ZBTB8B: variants seen among roughly 807,000 people sequenced by gnomAD.
ZBTB8B encodes zinc finger and BTB domain containing 8B, also known as zinc finger and BTB domain-containing protein 8B.
In ZBTB8B, 17 loss-of-function variants were observed where a neutral mutation model predicts 30.3. The ratio of observed to expected loss-of-function variants is 0.56; its 90% CI spans 0.38 to 0.84. The LOEUF (loss-of-function observed/expected upper bound fraction) is 0.84, where lower values mean the gene tolerates loss of function less well. Ranked by LOEUF, ZBTB8B falls within the 40% of genes least tolerant of loss-of-function variation. ZBTB8B has a pLI of 0.00. For missense variants in ZBTB8B, 515 were observed against 644.9 expected (o/e 0.80, Z 2.18); for synonymous variants, 248 against 255.6 (o/e 0.97, Z 0.28).
intron 2 of ZBTB8B, among the ~76,000 whole-genome samples, chr1:32,477,245 A>G (rs1643671612): frequency 6.6e-6 from 1 of 152,182 alleles, no homozygotes; most frequent in South Asian, 2.1e-4. Flanking sequence ...TGGGCATCAT[A>G]TTGTATGAAT....
chr1:32,470,253 C>A (rs542364554), intron 1 of ZBTB8B, among the ~76,000 whole-genome samples: 3 of 152,020 alleles, frequency 2.0e-5, no homozygotes, highest in Non-Finnish European at 4.4e-5. Context: ...GTAATCCCAG[C>A]GCTTTGGGAG....
At chr1:32,482,208 A>T (rs1643710677) in intron 3 of ZBTB8B, among the ~76,000 whole-genome samples, 1 of 151,952 alleles carries the variant, frequency 6.6e-6, no homozygotes, top group African/African-American at 2.4e-5. Context: ...CAGGTTGCCC[A>T]GGCTGGTCTT....
chr1:32,483,231 T>C (rs1416048369), intron 3 of ZBTB8B, among the ~76,000 whole-genome samples: 3 of 101,882 alleles, frequency 2.9e-5, no homozygotes, highest in Non-Finnish European at 5.5e-5. Flanking sequence ...AAACCCCTTA[T>C]CTACTAAAAA....
intron 1 of ZBTB8B, among the ~76,000 whole-genome samples, chr1:32,468,942 G>C (rs1418976995): frequency 6.6e-6 from 1 of 151,978 alleles, no homozygotes; most frequent in African/African-American, 2.4e-5. Context: ...GTAATCTCAG[G>C]ACTTTGAGGG....
rs1223181142 is a variant in ZBTB8B at position 32,496,240 on chromosome 1, T to C, written c.*10822T>C. On this transcript the variant is annotated 3_prime_UTR_variant, in exon 4 of 4. Coordinates refer to ENST00000609129, the MANE Select transcript of ZBTB8B (RefSeq NM_001145720.2). ...TGAAAGAAGACTGACTACTGTCTGA[T>C]GAATGGGTAATTGATGATGCAATGT... is the stretch of plus-strand genomic sequence containing the variant. 6.6e-6 allele frequency: 1 copy of C among 152,182 alleles called. No individual in the cohort carries two copies. The highest frequency in any genetic ancestry group is 1.5e-5 in the Non-Finnish European group (1 of 68,042). 9.4% of individuals were successfully genotyped at this position (152,182 alleles called of 1,614,324 possible). A position where few individuals can be genotyped will look rare whatever the true frequency, so the allele number is the denominator to read the frequency against.
chr1:32,467,989 A>G (rs990693145), intron 1 of ZBTB8B, among the ~76,000 whole-genome samples: 10 of 151,910 alleles, frequency 6.6e-5, no homozygotes, highest in African/African-American at 2.4e-4. Flanking sequence ...GGGGGTGGGT[A>G]CCTGTAGTCC....
rs903057784 is a variant in ZBTB8B, at chr1:32,480,999, G to A, written c.1100G>A (p.Arg367Gln). ...KRHIRSHTGE[R>Q]PYPCETCGKR... ...CACATCCGTTCACACACAGGCGAGC[G>A]GCCCTACCCCTGTGAGACCTGCGGC... The change falls in exon 3 of 4, where the codon CGG (arginine) becomes CAG (glutamine). Residue 367 changes from arginine to glutamine, a missense_variant. Around this residue, in one of 3 missense-constraint regions of ZBTB8B, gnomAD observed 429 missense variants for 504.3 expected, o/e 0.85. Transcript: ENST00000609129. 3.2e-6 allele frequency: 5 copies of A among 1,552,274 alleles called. No homozygotes were observed. Among genetic ancestry groups the A allele is most frequent in the Middle Eastern group, 1.7e-4 (1 of 6,016 alleles).
chr1:32,478,514 GA>G (rs559565980), intron 2 of ZBTB8B, among the ~76,000 whole-genome samples: 17 of 150,390 alleles, frequency 1.1e-4, no homozygotes, highest in African/African-American at 3.4e-4. Context: ...TCCATCTCAG[GA>G]AAAAAAAATA....
chr1:32,483,242 TCCA>T lies in ZBTB8B; in HGVS notation c.1171-1858_1171-1856del, dbSNP rs1288823869. Among the ~76,000 whole-genome samples, 18 of 33,102 alleles carry T rather than the reference TCCA, an allele frequency of 5.4e-4. 2 individuals are homozygous for T. The highest frequency in any genetic ancestry group is 1.7e-3 in the African/African-American group (13 of 7,490). The allele number at this position is 33,102 out of a possible 152,430, so 21.7% of individuals were successfully genotyped here. A position where few individuals can be genotyped will look rare whatever the true frequency, so the allele number is the denominator to read the frequency against. On this transcript the variant is annotated intron_variant, in intron 3 of 3. Transcript: ENST00000609129. ...GGCGAAACCCCTTATCTACTAAAAA[TCCA>T]AAAAAAAAAAAAAAAAAAAAAAAAA...
chr1:32,481,597 CCATT>C lies in ZBTB8B; in HGVS notation c.1170+531_1170+534del, dbSNP rs560732784. On this transcript the variant is annotated intron_variant, in intron 3 of 3. Coordinates refer to ENST00000609129, the MANE Select transcript of ZBTB8B (RefSeq NM_001145720.2). The stretch of plus-strand genomic sequence containing the variant: ...GCTGGTGATTCCAACCCGCTGAAAA[CCATT>C]CAGGCCACTTAGAAAGATGTTATAT... 2.0e-5 allele frequency among the ~76,000 whole-genome samples: 3 copies of C among 152,268 alleles called. No individual in the cohort carries two copies. In the South Asian group the frequency reaches 6.2e-4, roughly 32 times the overall value.
intron 1 of ZBTB8B, among the ~76,000 whole-genome samples, chr1:32,466,260 T>G (rs1056535485): frequency 6.6e-6 from 1 of 152,170 alleles, no homozygotes; most frequent in African/African-American, 2.4e-5. Flanking sequence ...TAGGACTCCC[T>G]CAAGGGTATA....
intron 2 of ZBTB8B, among the ~76,000 whole-genome samples, chr1:32,474,532 CA>C (rs909647588): frequency 3.0e-4 from 38 of 127,280 alleles, no homozygotes; most frequent in South Asian, 5.1e-4. Flanking sequence ...GACCTTGTCT[CA>C]AAAAAAAAAG....
chr1:32,470,858 CA>C lies in ZBTB8B; in HGVS notation c.235del (p.Ile79SerfsTer2). ...DIVTSDAFSI[I>X]LDFLYSGKLD... ...TTGTCACCTCTGATGCCTTCTCCAT[CA>C]TCTTAGATTTCCTCTATTCTGGGAA... On this transcript the variant is annotated frameshift_variant, in exon 2 of 4. Coordinates refer to ENST00000609129, the MANE Select transcript of ZBTB8B (RefSeq NM_001145720.2). LOFTEE classifies it high-confidence loss of function. The C allele has an allele frequency of 6.4e-7, 1 of 1,551,960 alleles. No individual in the cohort carries two copies. Among genetic ancestry groups the C allele is most frequent in the Non-Finnish European group, 8.7e-7 (1 of 1,147,042 alleles).
Position 32,472,360 on chromosome 1 carries a change from C to T in ZBTB8B, c.991+745C>T, listed in dbSNP as rs546813266. Reference sequence around the variant, plus strand: ...ATCTGTAAAACGGGAATAATCATCCCTGCCCTGCCTCTCTCACAGGTTTGT... The same window carrying T: ...ATCTGTAAAACGGGAATAATCATCCTTGCCCTGCCTCTCTCACAGGTTTGT... On this transcript the variant is annotated intron_variant, in intron 2 of 3. Coordinates refer to ENST00000609129, the MANE Select transcript of ZBTB8B (RefSeq NM_001145720.2). Among the ~76,000 whole-genome samples, 19 of 152,318 alleles carry T rather than the reference C, an allele frequency of 1.2e-4. 1 individual carries two copies. In the South Asian group the frequency reaches 2.5e-3, roughly 20 times the overall value.
At chr1:32,479,969 A>G (rs766610649) in intron 2 of ZBTB8B, among the ~76,000 whole-genome samples, 2 of 152,236 alleles carry the variant, frequency 1.3e-5, no homozygotes, top group African/African-American at 2.4e-5. Context: ...TCTTCTATGT[A>G]TACTTAGAAA....
intron 3 of ZBTB8B, among the ~76,000 whole-genome samples, chr1:32,482,669 CAAAAAAA>C (rs1050028688): frequency 6.7e-4 from 27 of 40,114 alleles, no homozygotes; most frequent in South Asian, 1.8e-3. Flanking sequence ...GACTCCGTGT[CAAAAAAA>C]AAAAAAAAAA....
At position 32,466,578 on chromosome 1, in the gene ZBTB8B, A is replaced by T. The variant is rs16834993; in HGVS notation, c.-42+1473A>T. 9.2e-3 allele frequency among the ~76,000 whole-genome samples: 1,405 copies of T among 152,314 alleles called. 23 individuals are homozygous for T. Among genetic ancestry groups the T allele is most frequent in the African/African-American group, 0.031 (1,307 of 41,546 alleles). ...GGGTGATATAAATAAATATTTACACAATATATACCAAGTACAGGATTGGGG... is the reference window on the plus strand; with the variant it reads ...GGGTGATATAAATAAATATTTACACTATATATACCAAGTACAGGATTGGGG... On this transcript the variant is annotated intron_variant, in intron 1 of 3. Transcript: ENST00000609129.
intron 3 of ZBTB8B, among the ~76,000 whole-genome samples, chr1:32,482,140 G>C (rs1349655949): frequency 8.6e-5 from 13 of 152,042 alleles, no homozygotes; most frequent in Admixed American, 8.5e-4. Context: ...ACCATGCCCA[G>C]CTAACGTGTT....
At position 32,480,949 on chromosome 1, in the gene ZBTB8B, C is replaced by G; in HGVS notation, c.1050C>G (p.Ala350=). 6.4e-7 allele frequency: 1 copy of G among 1,552,162 alleles called. No homozygotes were observed. The highest frequency in any genetic ancestry group is 1.4e-5 in the African/African-American group (1 of 73,188). ...AGTGTCCTTTCTGCCCTTACACTGC[C>G]AAACAGAAGGGCATCCTCAAGCGGC... ...LHKCPFCPYT[A]KQKGILKRHI... is the part of the protein sequence containing the mutation. The change falls in exon 3 of 4, where the codon GCC becomes GCG. Residue 350 remains alanine, a synonymous_variant. Coordinates refer to ENST00000609129, the MANE Select transcript of ZBTB8B (RefSeq NM_001145720.2).
Sources: allele counts gnomAD v4.1 joint callset (sites outside exome capture counted in the v4.1 genomes callset), GRCh38; gene constraint gnomAD v4.1.1; regional missense constraint gnomAD v4.1.1; transcripts MANE v1.5; gene names NCBI Gene and HGNC (gene_info 2026-07-23, HGNC 2026-07-21).